Variants in BNC2 observed in about 807,000 individuals in gnomAD.
BNC2 encodes zinc finger protein basonuclin-2.
In BNC2, 20 loss-of-function variants were observed where a neutral mutation model predicts 76.3. The observed-to-expected ratio is 0.26, with a 90% CI of 0.18 to 0.38. The LOEUF (loss-of-function observed/expected upper bound fraction) is 0.38, where lower values mean the gene tolerates loss of function less well. Among genes scored for constraint, BNC2 ranks in the 10% least tolerant of loss-of-function variants. The pLI, the probability that BNC2 is intolerant of heterozygous loss-of-function variation, is 1.00. For synonymous variants in BNC2, 582 were observed against 514.8 expected (o/e 1.13, Z -1.77); for missense variants, 1,382 against 1,399.8 (o/e 0.99, Z 0.20).
rs956311167 is a variant in BNC2, at chr9:16,782,082, C to G, written c.4-43597G>C. On this transcript the variant is annotated intron_variant, in intron 1 of 6. Coordinates refer to ENST00000380672, the MANE Select transcript of BNC2 (RefSeq NM_017637.6). The stretch of plus-strand genomic sequence containing the variant: ...GGGGCGGATCACGAGCTCAGGATAT[C>G]GAGACCAGCCTGGCCAACATGAGGA... 4.6e-5 allele frequency among the ~76,000 whole-genome samples: 7 copies of G among 152,002 alleles called. No individual in the cohort carries two copies. The East Asian group carries it at 1.2e-3, about 25-fold the overall frequency.
At chr9:16,659,831 C>CT (rs1822056622) in intron 3 of BNC2, among the ~76,000 whole-genome samples, 2 of 152,116 alleles carry the variant, frequency 1.3e-5, no homozygotes, top group Non-Finnish European at 2.9e-5. Context: ...TTATTCTCTG[C>CT]TTTTTTCTTC....
At chr9:16,644,613 T>G (rs1821574888) in intron 3 of BNC2, among the ~76,000 whole-genome samples, 1 of 152,226 alleles carries the variant, frequency 6.6e-6, no homozygotes, top group Non-Finnish European at 1.5e-5. Context: ...AATCACCATT[T>G]ATCCTTTAAA....
At chr9:16,663,308 T>C (rs1206930056) in intron 3 of BNC2, among the ~76,000 whole-genome samples, 1 of 151,914 alleles carries the variant, frequency 6.6e-6, no homozygotes, top group African/African-American at 2.4e-5. Context: ...AATTTTTGTA[T>C]TTTTAGTAGA....
At chr9:16,534,508 T>C (rs1266644353) in intron 5 of BNC2, among the ~76,000 whole-genome samples, 1 of 152,164 alleles carries the variant, frequency 6.6e-6, no homozygotes, top group Admixed American at 6.5e-5. Flanking sequence ...TCATACTTAA[T>C]AGTTTATGTA....
chr9:16,618,719 CTTAAG>C (rs1039972644), intron 3 of BNC2, among the ~76,000 whole-genome samples: 11 of 152,282 alleles, frequency 7.2e-5, no homozygotes, highest in African/African-American at 1.2e-4. Flanking sequence ...TGCACAATTA[CTTAAG>C]TTAAGTTATG....
At chr9:16,482,653 T>G (rs1822083126) in intron 5 of BNC2, among the ~76,000 whole-genome samples, 1 of 149,332 alleles carries the variant, frequency 6.7e-6, no homozygotes. Context: ...GGCAGATAAT[T>G]TAGAAAATCT....
At chr9:16,673,500 A>G (rs1412172781) in intron 3 of BNC2, among the ~76,000 whole-genome samples, 1 of 151,966 alleles carries the variant, frequency 6.6e-6, no homozygotes, top group Non-Finnish European at 1.5e-5. Flanking sequence ...TGCTAATTAA[A>G]ATTTCCAGTT....
chr9:16,866,804 G>C (rs978842710), intron 1 of BNC2, among the ~76,000 whole-genome samples: 5 of 151,874 alleles, frequency 3.3e-5, no homozygotes, highest in Admixed American at 1.3e-4. Context: ...AAAATCATGA[G>C]GCTCCCTCTA....
intron 5 of BNC2, among the ~76,000 whole-genome samples, chr9:16,484,272 C>T (rs1335160216): frequency 2.0e-5 from 3 of 152,174 alleles, no homozygotes; most frequent in African/African-American, 7.2e-5. Flanking sequence ...TTTATTCCAC[C>T]CCCGAAATAA....
chr9:16,676,638 C>T (rs908332315), intron 3 of BNC2, among the ~76,000 whole-genome samples: 4 of 152,174 alleles, frequency 2.6e-5, no homozygotes, highest in Non-Finnish European at 4.4e-5. Flanking sequence ...TTACTTAATC[C>T]ACAATGTATC....
At chr9:16,833,470 G>A (rs532172439) in intron 1 of BNC2, among the ~76,000 whole-genome samples, 1 of 151,936 alleles carries the variant, frequency 6.6e-6, no homozygotes, top group Admixed American at 6.5e-5. Flanking sequence ...CAAGAGCTTC[G>A]AGGTCATTAG....
chr9:16,631,975 C>A (rs1032940604), intron 3 of BNC2, among the ~76,000 whole-genome samples: 1 of 152,162 alleles, frequency 6.6e-6, no homozygotes, highest in Non-Finnish European at 1.5e-5. Context: ...GAACTACCAG[C>A]TGATCTGTGT....
intron 5 of BNC2, among the ~76,000 whole-genome samples, chr9:16,506,473 A>G (rs1237127275): frequency 7.8e-6 from 1 of 127,398 alleles, no homozygotes; most frequent in African/African-American, 3.1e-5. Context: ...ATCTACCCTT[A>G]CTGGATCAGA....
chr9:16,805,651 G>C lies in BNC2; in HGVS notation c.3+64995C>G, dbSNP rs184618318. ...CAGGAAATTCATTTTAAACTACATG[G>C]AAACTGCATGAGAAACTGCAATGAA... On this transcript the variant is annotated intron_variant, in intron 1 of 6. Transcript: ENST00000380672. Among the ~76,000 whole-genome samples the C allele has an allele frequency of 2.6e-5, 4 of 151,994 alleles. No individual in the cohort carries two copies. The East Asian group carries it at 7.8e-4, about 29-fold the overall frequency.
chr9:16,836,115 C>G (rs371152143), intron 1 of BNC2, among the ~76,000 whole-genome samples: 1 of 152,152 alleles, frequency 6.6e-6, no homozygotes, highest in Non-Finnish European at 1.5e-5. Context: ...TTGCCTCTCA[C>G]GCTATGAATG....
intron 3 of BNC2, among the ~76,000 whole-genome samples, chr9:16,618,080 C>T (rs1294546913): frequency 1.3e-5 from 2 of 152,196 alleles, no homozygotes; most frequent in African/African-American, 4.8e-5. Context: ...TACGTGCCCT[C>T]ACTGACAGAC....
At chr9:16,582,855 A>C in intron 4 of BNC2, 128 bp downstream of exon 4, 5 of 727,940 alleles carry the variant, frequency 6.9e-6, no homozygotes, top group Non-Finnish European at 1.2e-5. Context: ...AGCACAGCTG[A>C]CCTCTCTCTT....
chr9:16,749,330 T>C (rs1162657856), intron 1 of BNC2, among the ~76,000 whole-genome samples: 2 of 152,120 alleles, frequency 1.3e-5, no homozygotes, highest in Non-Finnish European at 2.9e-5. Context: ...CATACGTTAT[T>C]TGGTTAAAAG....
In BNC2 at chr9:16,578,041, ATTT is replaced by A. The variant is rs75035265; in HGVS notation, c.433+4939_433+4941del. ...TAGGAAACAGTGGAATTAAAAAAAA[ATTT>A]TTTTTTGTTTTTTTCCAAAAAAGAG... On this transcript the variant is annotated intron_variant, in intron 4 of 6. Coordinates refer to ENST00000380672, the MANE Select transcript of BNC2 (RefSeq NM_017637.6). 2.6e-5 allele frequency among the ~76,000 whole-genome samples: 4 copies of A among 151,912 alleles called. No homozygotes were observed. The East Asian group carries it at 7.7e-4, about 29-fold the overall frequency.
Sources: gnomAD v4.1 joint callset for allele counts (sites outside exome capture counted in the v4.1 genomes callset) on GRCh38, gnomAD v4.1.1 for gene constraint, MANE v1.5 for transcripts, NCBI Gene and HGNC (gene_info 2026-07-23, HGNC 2026-07-21) for gene names.